Variants in INPP5A observed in about 807,000 individuals in gnomAD.
INPP5A encodes the protein 43 kDa inositol polyphosphate 5-phophatase.
INPP5A carries 14 observed loss-of-function variants against 65.2 expected under a neutral mutation model. The observed-to-expected ratio is 0.21, with a 90% CI of 0.14 to 0.34. INPP5A has a LOEUF of 0.34. INPP5A is among the 10% of genes least tolerant of loss of function. The pLI, the probability that INPP5A is intolerant of heterozygous loss-of-function variation, is 1.00. For missense variants in INPP5A, 431 were observed against 545.6 expected, an observed-to-expected ratio of 0.79 and a Z score of 2.09; for synonymous variants, 207 against 208.3, an observed-to-expected ratio of 0.99 and a Z score of 0.05.
chr10:132,681,994 A>T (rs1188639017), intron 4 of INPP5A, among the ~76,000 whole-genome samples: 1 of 152,204 alleles, frequency 6.6e-6, no homozygotes, highest in Non-Finnish European at 1.5e-5. Context: ...AGTCAAAGTC[A>T]TGGAGACAGA....
chr10:132,710,628 T>C (rs1035054558), intron 8 of INPP5A, among the ~76,000 whole-genome samples, 172 bp downstream of exon 8: 2 of 129,182 alleles, frequency 1.5e-5, no homozygotes, highest in South Asian at 2.6e-4. Context: ...TAGGTATGGA[T>C]GGCAGGTAGG....
Position 132,705,230 on chromosome 10 carries a change from C to T in INPP5A, c.475-3083C>T, listed in dbSNP as rs544315376. On this transcript the variant is annotated intron_variant, in intron 6 of 15. Coordinates refer to ENST00000368594, the MANE Select transcript of INPP5A (RefSeq NM_005539.5). This position sits in a 1 kb window ranked among gnomAD's most constrained non-coding sequence, Gnocchi z 4.9. ...ACAGGAAATGAACACAGAGGCTCCC[C>T]GGGGCAAATGGCCTCCCCGAGAGAG... is the stretch of plus-strand genomic sequence containing the variant. Among the ~76,000 whole-genome samples, 181 of 152,324 alleles carry T rather than the reference C, an allele frequency of 1.2e-3. No homozygotes were observed. Among genetic ancestry groups the T allele is most frequent in the African/African-American group, 3.9e-3 (163 of 41,566 alleles).
chr10:132,760,284 G>A (rs1220623426), intron 11 of INPP5A, among the ~76,000 whole-genome samples: 2 of 152,232 alleles, frequency 1.3e-5, no homozygotes, highest in Admixed American at 1.3e-4. Flanking sequence ...ACCGAGGACT[G>A]GGGGTGCTGA....
intron 1 of INPP5A, among the ~76,000 whole-genome samples, chr10:132,579,936 G>A (rs1554930377): frequency 7.1e-6 from 1 of 140,074 alleles, no homozygotes; most frequent in Non-Finnish European, 1.5e-5. Context: ...TTTTTTTGTA[G>A]AGATGGAGTC....
intron 2 of INPP5A, among the ~76,000 whole-genome samples, chr10:132,619,704 G>A (rs2133358997): frequency 6.6e-6 from 1 of 152,312 alleles, no homozygotes; most frequent in South Asian, 2.1e-4. Flanking sequence ...TGTTACCCAG[G>A]CTGGAGTGCA....
chr10:132,690,079 G>T (rs893912126), intron 4 of INPP5A, among the ~76,000 whole-genome samples: 5 of 151,916 alleles, frequency 3.3e-5, no homozygotes, highest in African/African-American at 1.2e-4. Context: ...CTGCGCCCCT[G>T]CTGGAGCCAG....
At chr10:132,699,499 G>A (rs1450443853) in intron 6 of INPP5A, among the ~76,000 whole-genome samples, 1 of 152,210 alleles carries the variant, frequency 6.6e-6, no homozygotes, top group Non-Finnish European at 1.5e-5. Flanking sequence ...CTGCATTGCT[G>A]TCCAGGGCCG....
Position 132,542,850 on chromosome 10 carries a change from C to A in INPP5A, c.75+4679C>A, listed in dbSNP as rs2070923972. On this transcript the variant is annotated intron_variant, in intron 1 of 15. Transcript: ENST00000368594. ...ACAGGGTCTCATTCTGTCACCCAGG[C>A]TGGAGTGCGGTGGCTCACTGTAGCC... 2.0e-5 allele frequency among the ~76,000 whole-genome samples: 3 copies of A among 152,342 alleles called. No individual in the cohort carries two copies. In the South Asian group the frequency reaches 6.2e-4, roughly 32 times the overall value.
rs2071402769 is a variant in INPP5A at position 132,575,496 on chromosome 10, C to A, written c.76-32419C>A. Among the ~76,000 whole-genome samples, 1 of 152,170 alleles carries A rather than the reference C, an allele frequency of 6.6e-6. No homozygotes were observed. Among genetic ancestry groups the A allele is most frequent in the Non-Finnish European group, 1.5e-5 (1 of 68,032 alleles). On this transcript the variant is annotated intron_variant, in intron 1 of 15. Transcript: ENST00000368594. This position sits in a 1 kb window ranked among gnomAD's most constrained non-coding sequence, Gnocchi z 5.4. The stretch of plus-strand genomic sequence containing the variant: ...TCATAAAATTAGTAACCAAACCGAT[C>A]TAACCACATTCACAATCATTTGGAA...
At chr10:132,731,107 G>T (rs1846076781) in intron 9 of INPP5A, among the ~76,000 whole-genome samples, 1 of 152,176 alleles carries the variant, frequency 6.6e-6, no homozygotes, top group African/African-American at 2.4e-5. Flanking sequence ...CACGCTGCCT[G>T]GCAGACGTGG....
chr10:132,722,486 C>T (rs548863033), intron 8 of INPP5A, among the ~76,000 whole-genome samples: 59 of 152,344 alleles, frequency 3.9e-4, no homozygotes, highest in South Asian at 1.2e-3. Flanking sequence ...GCCCTGTCAC[C>T]GTGGGGCCTC....
chr10:132,609,184 TGA>T (rs1341814861), intron 2 of INPP5A, among the ~76,000 whole-genome samples: 1 of 152,224 alleles, frequency 6.6e-6, no homozygotes, highest in African/African-American at 2.4e-5. Flanking sequence ...GATGTGCAAA[TGA>T]GAGACATCTT....
intron 3 of INPP5A, among the ~76,000 whole-genome samples, chr10:132,647,678 C>T (rs2072516646): frequency 6.6e-6 from 1 of 152,118 alleles, no homozygotes; most frequent in South Asian, 2.1e-4. Flanking sequence ...GTCGAGGCCC[C>T]ACCCAGACCC....
rs553761158 is a variant in INPP5A at position 132,735,280 on chromosome 10, C to G, written c.732+8375C>G. Among the ~76,000 whole-genome samples, 6 of 152,324 alleles carry G rather than the reference C, an allele frequency of 3.9e-5. No individual in the cohort carries two copies. In the South Asian group the frequency reaches 8.3e-4, roughly 21 times the overall value. ...GGTTTGTGGGGAGATCTGTGCCCTC[C>G]TCTGGGGTGGTTTTCAGATTGCCCA... is the stretch of plus-strand genomic sequence containing the variant. On this transcript the variant is annotated intron_variant, in intron 9 of 15. Coordinates refer to ENST00000368594, the MANE Select transcript of INPP5A (RefSeq NM_005539.5).
intron 12 of INPP5A, among the ~76,000 whole-genome samples, chr10:132,770,971 C>A (rs1591002338): frequency 6.6e-6 from 1 of 152,222 alleles, no homozygotes; most frequent in Non-Finnish European, 1.5e-5. Context: ...ACCCTCGGGT[C>A]TCCTTGAAAG....
At chr10:132,712,428 TGC>T (rs1212214790) in intron 8 of INPP5A, among the ~76,000 whole-genome samples, 1 of 148,144 alleles carries the variant, frequency 6.8e-6, no homozygotes, top group Non-Finnish European at 1.5e-5. Context: ...CATATGTGTG[TGC>T]ACGCGTGTGT....
chr10:132,740,675 C>T (rs942792997), intron 9 of INPP5A, among the ~76,000 whole-genome samples: 2 of 152,186 alleles, frequency 1.3e-5, no homozygotes, highest in East Asian at 1.9e-4. Context: ...AGAGTGGCTA[C>T]GTGGAACTTC....
chr10:132,621,134 G>T (rs187471763), intron 2 of INPP5A, among the ~76,000 whole-genome samples: 83 of 152,296 alleles, frequency 5.4e-4, no homozygotes, highest in African/African-American at 1.9e-3. Flanking sequence ...CCTGTAAAGG[G>T]CATCTATCTA....
At chr10:132,658,533 G>A (rs1376227310) in intron 4 of INPP5A, among the ~76,000 whole-genome samples, 1 of 152,132 alleles carries the variant, frequency 6.6e-6, no homozygotes, top group Non-Finnish European at 1.5e-5. Context: ...TTTCATGGTC[G>A]GCTCCGTGCG....
Sources: gnomAD v4.1 joint callset for allele counts (sites outside exome capture counted in the v4.1 genomes callset) on GRCh38, gnomAD v4.1.1 for gene constraint, Gnocchi (gnomAD v3.1) non-coding constraint, MANE v1.5 for transcripts, NCBI Gene and HGNC (gene_info 2026-07-23, HGNC 2026-07-21) for gene names.